Variants in SMR3B observed in about 807,000 individuals in gnomAD.
SMR3B encodes submaxillary gland androgen regulated protein 3B.
For synonymous variants in SMR3B, 42 were observed against 36.1 expected (o/e 1.16, Z -0.59); for missense variants, 114 against 99.9 (o/e 1.14, Z -0.60).
At chr4:70,383,393 G>T (rs1732591553) in intron 1 of SMR3B, among the ~76,000 whole-genome samples, 181 bp downstream of exon 1, 4 of 151,966 alleles carry the variant, frequency 2.6e-5, no homozygotes, top group African/African-American at 9.7e-5. Context: ...GAAAAATTCT[G>T]GTTTTTACAG....
rs189906544 is a variant in SMR3B, at chr4:70,389,810, G to A, written c.202G>A (p.Gly68Ser). Residue 68 changes from glycine (G) to serine (S), a missense_variant, in exon 3 of 3, where the codon GGT (glycine) becomes AGT (serine). Transcript: ENST00000304915. ...RIPPPPPAPYGPGIFPPPPPQ... is the reference protein window; with the variant it reads ...RIPPPPPAPYSPGIFPPPPPQ... ...CCCACCTCCTCCTCCCGCACCCTATGGTCCAGGGATATTTCCACCACCCCC... is the reference window on the plus strand; with the variant it reads ...CCCACCTCCTCCTCCCGCACCCTATAGTCCAGGGATATTTCCACCACCCCC... 2.5e-5 allele frequency: 40 copies of A among 1,613,588 alleles called. No homozygotes were observed. The African/African-American group carries it at 5.3e-4, about 22-fold the overall frequency.
chr4:70,386,311 T>A (rs1040103011), intron 2 of SMR3B, among the ~76,000 whole-genome samples: 3 of 151,684 alleles, frequency 2.0e-5, no homozygotes, highest in Non-Finnish European at 2.9e-5. Flanking sequence ...GATAGTTTTC[T>A]GATAACATAA....
Position 70,390,027 on chromosome 4 carries a change from C to T in SMR3B, c.*179C>T, listed in dbSNP as rs753906453. 5.7e-6 allele frequency: 7 copies of T among 1,235,198 alleles called. No individual in the cohort carries two copies. In the African/African-American group the frequency reaches 8.9e-5, roughly 16 times the overall value. 76.5% of individuals were successfully genotyped at this position (1,235,198 alleles called of 1,614,324 possible). On this transcript the variant is annotated 3_prime_UTR_variant, in exon 3 of 3. Transcript: ENST00000304915. ...GCCACCACCACCACAAAAGACACCA[C>T]TACCCTTGTAACTACTGCTTCTACT...
At chr4:70,387,857 A>T (rs1732691937) in intron 2 of SMR3B, among the ~76,000 whole-genome samples, 1 of 152,208 alleles carries the variant, frequency 6.6e-6, no homozygotes, top group Admixed American at 6.5e-5. Context: ...AAGGACGCTA[A>T]CTTTCTGATG....
chr4:70,388,661 C>T (rs1473991346), intron 2 of SMR3B, among the ~76,000 whole-genome samples: 1 of 152,172 alleles, frequency 6.6e-6, no homozygotes, highest in Non-Finnish European at 1.5e-5. Context: ...ACTCATTCCA[C>T]TCATTTCATT....
chr4:70,383,917 C>A (rs1326018158), intron 1 of SMR3B, among the ~76,000 whole-genome samples: 6 of 152,084 alleles, frequency 3.9e-5, no homozygotes, highest in African/African-American at 1.2e-4. Context: ...CACTTTGAGA[C>A]CACTCATCAC....
intron 2 of SMR3B, chr4:70,385,188 C>T (rs1732637033): frequency 6.6e-6 from 1 of 152,116 alleles, no homozygotes; most frequent in Non-Finnish European, 1.5e-5. Flanking sequence ...TAGAATCATA[C>T]TCGATTTCAA....
At chr4:70,385,549 G>A (rs1172229711) in intron 2 of SMR3B, among the ~76,000 whole-genome samples, 7 of 151,920 alleles carry the variant, frequency 4.6e-5, no homozygotes, top group African/African-American at 7.3e-5. Flanking sequence ...GACTACAGGC[G>A]CCCGCCACCA....
At chr4:70,388,442 T>A (rs1275120438) in intron 2 of SMR3B, among the ~76,000 whole-genome samples, 2 of 152,136 alleles carry the variant, frequency 1.3e-5, no homozygotes, top group African/African-American at 2.4e-5. Context: ...AAAATTGTGC[T>A]CTATGTAAAC....
intron 2 of SMR3B, among the ~76,000 whole-genome samples, chr4:70,388,527 G>C (rs1732706562): frequency 6.6e-6 from 1 of 152,014 alleles, no homozygotes; most frequent in African/African-American, 2.4e-5. Context: ...ATAACAACAG[G>C]AGGTGGGTCC....
intron 2 of SMR3B, among the ~76,000 whole-genome samples, chr4:70,385,982 T>A (rs888823043): frequency 6.6e-6 from 1 of 151,864 alleles, no homozygotes; most frequent in African/African-American, 2.4e-5. Context: ...TTGAAAAAGA[T>A]AACTTTCTGG....
intron 2 of SMR3B, among the ~76,000 whole-genome samples, chr4:70,388,504 C>T (rs748011510): frequency 6.6e-6 from 1 of 152,074 alleles, no homozygotes; most frequent in Non-Finnish European, 1.5e-5. Context: ...TATTTCACAA[C>T]AAAAATCTGA....
intron 2 of SMR3B, among the ~76,000 whole-genome samples, chr4:70,385,492 C>T (rs541006786): frequency 6.6e-6 from 1 of 151,222 alleles, no homozygotes; most frequent in East Asian, 1.9e-4. Context: ...CAAGCTCCGC[C>T]TCCCGGGTTC....
At chr4:70,383,367 A>G (rs1732590916) in intron 1 of SMR3B, among the ~76,000 whole-genome samples, 155 bp downstream of exon 1, 1 of 152,108 alleles carries the variant, frequency 6.6e-6, no homozygotes, top group African/African-American at 2.4e-5. Context: ...GTAAGTCATT[A>G]AATGCAATAA....
At chr4:70,387,940 C>T (rs566425626) in intron 2 of SMR3B, among the ~76,000 whole-genome samples, 2 of 152,180 alleles carry the variant, frequency 1.3e-5, no homozygotes, top group East Asian at 1.9e-4. Context: ...GATGCTTTGC[C>T]GTAATACTAA....
intron 2 of SMR3B, 123 bp from the exon 3 acceptor site, chr4:70,389,540 T>C: frequency 1.0e-6 from 1 of 960,338 alleles, no homozygotes; most frequent in Non-Finnish European, 1.6e-6. Flanking sequence ...CAGGCCAGCA[T>C]GTGCCAGCAG....
intron 2 of SMR3B, among the ~76,000 whole-genome samples, chr4:70,388,737 C>T (rs1405962047): frequency 6.6e-6 from 1 of 152,158 alleles, no homozygotes; most frequent in Non-Finnish European, 1.5e-5. Flanking sequence ...CATAGAAGAT[C>T]TGTTTGTAAC....
chr4:70,389,185 G>C (rs1335766901), intron 2 of SMR3B, among the ~76,000 whole-genome samples: 1 of 152,066 alleles, frequency 6.6e-6, no homozygotes, highest in African/African-American at 2.4e-5. Context: ...TCTAAACTTG[G>C]CTTAGTTGGC....
rs1434625439 is a variant in SMR3B, at chr4:70,389,829, C to T, written c.221C>T (p.Pro74Leu). The T allele has an allele frequency of 1.2e-5, 19 of 1,613,702 alleles. No homozygotes were observed. The highest frequency in any genetic ancestry group is 1.4e-5 in the Non-Finnish European group (17 of 1,179,916). The change falls in exon 3 of 3, where the codon CCA becomes CTA. Residue 74 changes from proline to leucine, a missense_variant. Physicochemically the swap from Pro to Leu is moderately conservative, Grantham distance 98. Transcript: ENST00000304915. The stretch of plus-strand genomic sequence containing the variant: ...CCCTATGGTCCAGGGATATTTCCAC[C>T]ACCCCCTCCTCAACCCTAAGGTCCA... The part of the protein sequence containing the change: ...PAPYGPGIFP[P>L]PPPQP
Sources: gnomAD v4.1 joint callset for allele counts (sites outside exome capture counted in the v4.1 genomes callset) on GRCh38, gnomAD v4.1.1 for gene constraint, MANE v1.5 for transcripts, NCBI Gene and HGNC (gene_info 2026-07-23, HGNC 2026-07-21) for gene names.